The following TNFRSF10D variants were observed in gnomAD, a reference collection of about 807,000 sequenced individuals.
TNFRSF10D encodes the protein tumor necrosis factor receptor superfamily member 10D.
TNFRSF10D carries 28 observed loss-of-function variants against 42.1 expected under a neutral mutation model. That is an observed-to-expected ratio of 0.66 (90% CI 0.49 to 0.91). TNFRSF10D has a LOEUF of 0.91. Ranked by LOEUF, TNFRSF10D falls within the 40% of genes least tolerant of loss-of-function variation. TNFRSF10D has a pLI of 0.00. For synonymous variants in TNFRSF10D, 186 were observed against 189.4 expected (o/e 0.98, Z 0.15); for missense variants, 503 against 486.1 (o/e 1.03, Z -0.33).
intron 2 of TNFRSF10D, among the ~76,000 whole-genome samples, chr8:23,149,175 G>A (rs1182345685): frequency 8.7e-6 from 1 of 114,730 alleles, no homozygotes. Context: ...GGGCGACAGA[G>A]CAAGACTCTG....
Position 23,164,006 on chromosome 8 carries a change from C to A in TNFRSF10D, c.-71G>T, listed in dbSNP as rs966006848. 6.8e-7 allele frequency: 1 copy of A among 1,469,782 alleles called. No homozygotes were observed. The highest frequency in any genetic ancestry group is 2.8e-5 in the Admixed American group (1 of 36,130). 91.0% of individuals were successfully genotyped at this position (1,469,782 alleles called of 1,614,324 possible). A position where few individuals can be genotyped will look rare whatever the true frequency, so the allele number is the denominator to read the frequency against. The stretch of plus-strand genomic sequence containing the variant: ...ATCGTCCCCGTAGTTTGTGCGCGTG[C>A]AAAGGTTCTCGCAGCTACACTGCCA... On this transcript the variant is annotated 5_prime_UTR_variant, in exon 1 of 9. Coordinates refer to ENST00000312584, the MANE Select transcript of TNFRSF10D (RefSeq NM_003840.5).
intron 4 of TNFRSF10D, among the ~76,000 whole-genome samples, chr8:23,146,511 G>A (rs1300344892): frequency 6.6e-6 from 1 of 152,052 alleles, no homozygotes; most frequent in Admixed American, 6.5e-5. Flanking sequence ...TATGACTTTT[G>A]TGGGCTACGG....
intron 2 of TNFRSF10D, among the ~76,000 whole-genome samples, chr8:23,149,665 G>A (rs13257094): frequency 0.2 from 29,834 of 151,614 alleles, 3,767 homozygotes; most frequent in Non-Finnish European, 0.27. Context: ...TGGTGGCCCC[G>A]TCTCTGCTCG....
Position 23,137,412 on chromosome 8 carries a change from G to A in TNFRSF10D, c.*458C>T, listed in dbSNP as rs78210450. 1,058 of 156,210 alleles carry A rather than the reference G, an allele frequency of 6.8e-3. 3 individuals are homozygous for A. Among genetic ancestry groups the A allele is most frequent in the South Asian group, 0.038 (196 of 5,198 alleles). 9.7% of individuals were successfully genotyped at this position (156,210 alleles called of 1,614,324 possible). ...AGAGATGGAGCTTGCAATATAAGAA[G>A]CAGAAAAAAAGACTTGTCTCATGAT... On this transcript the variant is annotated 3_prime_UTR_variant, in exon 9 of 9. Transcript: ENST00000312584.
At position 23,142,610 on chromosome 8, in the gene TNFRSF10D, C is replaced by A. The variant is rs372356761; in HGVS notation, c.954+1840G>T. 5.9e-5 allele frequency among the ~76,000 whole-genome samples: 9 copies of A among 151,994 alleles called. No homozygotes were observed. The East Asian group carries it at 1.5e-3, about 26-fold the overall frequency. ...GGGGACTACCAGGGCGGGGAGGGAG[C>A]GAGAGGAGGAAGGGGTGAAAAACTA... On this transcript the variant is annotated intron_variant, in intron 7 of 8. Coordinates refer to ENST00000312584, the MANE Select transcript of TNFRSF10D (RefSeq NM_003840.5).
intron 7 of TNFRSF10D, among the ~76,000 whole-genome samples, chr8:23,139,637 C>T (rs898554464): frequency 9.9e-5 from 15 of 152,122 alleles, no homozygotes; most frequent in Admixed American, 6.5e-4. Flanking sequence ...AGGATGCTCA[C>T]GCTCACCACT....
In TNFRSF10D at chr8:23,147,844, C is replaced by T. The variant is rs867593743; in HGVS notation, c.370+594G>A. ...TTGGGAGGCCGAGGTGGGTGGATCA[C>T]GAGGTCAGGAGATCGAGACCATCCT... On this transcript the variant is annotated intron_variant, in intron 3 of 8. Coordinates refer to ENST00000312584, the MANE Select transcript of TNFRSF10D (RefSeq NM_003840.5). Among the ~76,000 whole-genome samples, 11 of 151,916 alleles carry T rather than the reference C, an allele frequency of 7.2e-5. 1 individual carries two copies. The highest frequency in any genetic ancestry group is 1.4e-4 in the African/African-American group (6 of 41,428).
At chr8:23,153,250 C>T (rs1197956470) in intron 2 of TNFRSF10D, among the ~76,000 whole-genome samples, 1 of 152,098 alleles carries the variant, frequency 6.6e-6, no homozygotes, top group Non-Finnish European at 1.5e-5. Context: ...AACATAAGCC[C>T]TGAAATTGTA....
At chr8:23,160,584 G>C (rs1277642718) in intron 1 of TNFRSF10D, among the ~76,000 whole-genome samples, 1 of 152,198 alleles carries the variant, frequency 6.6e-6, no homozygotes, top group Non-Finnish European at 1.5e-5. Flanking sequence ...CTGGTTGTTA[G>C]GAAAATCCAC....
chr8:23,142,719 CT>C (rs1800047845), intron 7 of TNFRSF10D, among the ~76,000 whole-genome samples: 1 of 151,942 alleles, frequency 6.6e-6, no homozygotes, highest in Non-Finnish European at 1.5e-5. Context: ...TATGTACCCC[CT>C]GAATCAAAAT....
At chr8:23,138,088 T>C in intron 8 of TNFRSF10D, 85 bp from the exon 9 acceptor site, 9 of 1,608,422 alleles carry the variant, frequency 5.6e-6, no homozygotes, top group Non-Finnish European at 7.7e-6. Context: ...CTTCCAGCAG[T>C]GAAACCTCCA....
At chr8:23,157,967 C>T (rs1187724973) in intron 1 of TNFRSF10D, among the ~76,000 whole-genome samples, 1 of 152,184 alleles carries the variant, frequency 6.6e-6, no homozygotes. Context: ...TAGAAAACAC[C>T]TGAAACTGAT....
At chr8:23,151,969 G>A (rs1301377512) in intron 2 of TNFRSF10D, among the ~76,000 whole-genome samples, 292 of 151,192 alleles carry the variant, frequency 1.9e-3, no homozygotes, top group African/African-American at 6.1e-3. Flanking sequence ...AAACTTATTT[G>A]TCCCGGTGGA....
Position 23,137,634 on chromosome 8 carries a change from A to ACT in TNFRSF10D, c.*234_*235dup, listed in dbSNP as rs1440526618. The ACT allele has an allele frequency of 2.1e-3, 1,017 of 491,886 alleles. No homozygotes were observed. The highest frequency in any genetic ancestry group is 0.018 in the African/African-American group (923 of 51,686). The allele number at this position is 491,886 out of a possible 1,614,324, so 30.5% of individuals were successfully genotyped here. A position where few individuals can be genotyped will look rare whatever the true frequency, so the allele number is the denominator to read the frequency against. ...ACGACCCTTAATACACAATCGTATA[A>ACT]CTATGCAGCCAAGAATCTGATATAA... is the stretch of plus-strand genomic sequence containing the variant. On this transcript the variant is annotated 3_prime_UTR_variant, in exon 9 of 9. Transcript: ENST00000312584.
intron 1 of TNFRSF10D, among the ~76,000 whole-genome samples, chr8:23,156,937 TA>T (rs1475584577): frequency 5.3e-3 from 800 of 152,030 alleles, no homozygotes; most frequent in African/African-American, 0.017. Flanking sequence ...TACTTTGGTT[TA>T]AATTTATGCT....
intron 8 of TNFRSF10D, 66 bp downstream of exon 8, chr8:23,138,105 CCCTCTCAGCTATAGGGA>C: frequency 6.2e-7 from 1 of 1,609,192 alleles, no homozygotes; most frequent in Admixed American, 1.7e-5. Flanking sequence ...TCCAGAAGAG[CCCTCTCAGCTATAGGGA>C]CAGCAGTTAG....
chr8:23,162,306 C>T (rs139851343), intron 1 of TNFRSF10D, among the ~76,000 whole-genome samples: 2 of 152,366 alleles, frequency 1.3e-5, no homozygotes, highest in African/African-American at 2.4e-5. Context: ...GTCATCCACA[C>T]ATTCTCTCTT....
At chr8:23,139,211 C>A (rs572171970) in intron 7 of TNFRSF10D, among the ~76,000 whole-genome samples, 9 of 151,002 alleles carry the variant, frequency 6.0e-5, no homozygotes, top group African/African-American at 2.0e-4. Context: ...ACTAAACAGC[C>A]ATAAGAAACA....
intron 2 of TNFRSF10D, among the ~76,000 whole-genome samples, chr8:23,150,386 A>T (rs114964074): frequency 4.2e-3 from 631 of 151,822 alleles, no homozygotes; most frequent in African/African-American, 0.013. Flanking sequence ...AGAATCTGTG[A>T]ACAGGCTGAC....
Sources: gnomAD v4.1 joint callset for allele counts (sites outside exome capture counted in the v4.1 genomes callset) on GRCh38, gnomAD v4.1.1 for gene constraint, MANE v1.5 for transcripts, NCBI Gene and HGNC (gene_info 2026-07-23, HGNC 2026-07-21) for gene names.